Variants in SPATA22 observed in about 807,000 individuals in gnomAD.
SPATA22 encodes the protein spermatogenesis associated 22, also known as spermatogenesis-associated protein 22.
Under a neutral mutation model 47.8 loss-of-function variants are expected in SPATA22, and 29 were observed. That is an observed-to-expected ratio of 0.61 (90% confidence interval 0.45 to 0.83). The LOEUF (loss-of-function observed/expected upper bound fraction) is 0.83, where lower values mean the gene tolerates loss of function less well. Among genes scored for constraint, SPATA22 ranks in the 40% least tolerant of loss-of-function variants. SPATA22 has a pLI of 0.00. For missense variants in SPATA22, 410 were observed against 421.7 expected, an observed-to-expected ratio of 0.97 and a Z score of 0.24; for synonymous variants, 133 against 140.9, an observed-to-expected ratio of 0.94 and a Z score of 0.40.
chr17:3,446,352 A>C, intron 7 of SPATA22, 120 bp downstream of exon 7: 1 of 923,802 alleles, frequency 1.1e-6, no homozygotes, highest in Non-Finnish European at 1.6e-6. Flanking sequence ...AGTTCTTTGA[A>C]TACACTTTAG....
At chr17:3,502,436 G>C (rs749169939) in intron 1 of SPATA22, 3 of 152,178 alleles carry the variant, frequency 2.0e-5, no homozygotes, top group African/African-American at 7.2e-5. Flanking sequence ...GTAGAAATGA[G>C]TTGTGCAGAA....
intron 1 of SPATA22, among the ~76,000 whole-genome samples, chr17:3,495,546 GTTTGTTTTTGTTTTTGTT>G (rs149605858): frequency 6.6e-6 from 1 of 151,044 alleles, no homozygotes; most frequent in African/African-American, 2.4e-5. Context: ...CTTAGGCAGT[GTTTGTTTTTGTTTTTGTT>G]TTTGTTTTTG....
chr17:3,489,817 C>A (rs948315571), intron 1 of SPATA22, among the ~76,000 whole-genome samples: 1 of 152,188 alleles, frequency 6.6e-6, no homozygotes, highest in Non-Finnish European at 1.5e-5. Context: ...ACAGCATCCA[C>A]TTCTTAAAAC....
chr17:3,485,228 C>T lies in SPATA22; in HGVS notation c.-73-15830G>A, dbSNP rs2073698787. On this transcript the variant is annotated intron_variant, in intron 1 of 8. Transcript: ENST00000541913. This position sits in a 1 kb window ranked among gnomAD's most constrained non-coding sequence, Gnocchi z 4.4. ...AGACAGGATCTCAGTATGATCAGGT[C>T]TCAAACTCCTGATTCAAGCGATCCT... Among the ~76,000 whole-genome samples, 1 of 152,058 alleles carries T rather than the reference C, an allele frequency of 6.6e-6. No individual in the cohort carries two copies. The highest frequency in any genetic ancestry group is 2.1e-4 in the South Asian group (1 of 4,824).
At chr17:3,496,091 G>GT (rs1165698907) in intron 1 of SPATA22, among the ~76,000 whole-genome samples, 1 of 152,044 alleles carries the variant, frequency 6.6e-6, no homozygotes, top group African/African-American at 2.4e-5. Context: ...TGGGCTAGTG[G>GT]TAGGTCTCGA....
In SPATA22 at chr17:3,483,973, A is replaced by G. The variant is rs183661250; in HGVS notation, c.-73-14575T>C. Among the ~76,000 whole-genome samples, 16 of 152,318 alleles carry G rather than the reference A, an allele frequency of 1.1e-4. No homozygotes were observed. In the East Asian group the frequency reaches 2.7e-3, roughly 26 times the overall value. On this transcript the variant is annotated intron_variant, in intron 1 of 8. Coordinates refer to the SPATA22 transcript ENST00000541913. ...GCCTGGCCGAGAAAATTATTTTTAAAAAAACATTTACAGCTACCTTCCATA... is the reference window on the plus strand; with the variant it reads ...GCCTGGCCGAGAAAATTATTTTTAAGAAAACATTTACAGCTACCTTCCATA...
chr17:3,506,649 C>G (rs9910504), intron 1 of SPATA22, among the ~76,000 whole-genome samples: 1 of 152,210 alleles, frequency 6.6e-6, no homozygotes, highest in East Asian at 1.9e-4. Context: ...TTTTCTTGCT[C>G]TAAGTGAAAG....
intron 1 of SPATA22, chr17:3,489,480 G>A: frequency 1.5e-6 from 1 of 681,572 alleles, no homozygotes; most frequent in East Asian, 2.8e-5. Flanking sequence ...ATTCCCCAAT[G>A]GCCAGGATAG....
At chr17:3,474,141 C>T (rs1183459482), upstream of SPATA22, 1 of 152,128 alleles carries the variant, frequency 6.6e-6, no homozygotes, top group South Asian at 2.1e-4. Flanking sequence ...ATAAAGCTTT[C>T]CACAGAAGAC....
At chr17:3,479,398 T>G (rs2073588874) in intron 1 of SPATA22, among the ~76,000 whole-genome samples, 1 of 152,224 alleles carries the variant, frequency 6.6e-6, no homozygotes, top group Non-Finnish European at 1.5e-5. Context: ...TTAAAATGTA[T>G]AAATATCCAT....
rs551956294 is a variant in SPATA22, at chr17:3,490,543, A to G, written c.-73-21145T>C. Among the ~76,000 whole-genome samples the G allele has an allele frequency of 7.7e-4, 115 of 149,634 alleles. No homozygotes were observed. The highest frequency in any genetic ancestry group is 1.5e-3 in the Non-Finnish European group (102 of 66,940). Reference sequence around the variant, plus strand: ...AATTCCTCAACCTCAGATCGTGCGCACCCCACTGCAATCACAGACATTCGT... The same window carrying G: ...AATTCCTCAACCTCAGATCGTGCGCGCCCCACTGCAATCACAGACATTCGT... On this transcript the variant is annotated intron_variant, in intron 1 of 8. Coordinates refer to the SPATA22 transcript ENST00000541913. This position sits in a 1 kb window ranked among gnomAD's most constrained non-coding sequence, Gnocchi z 4.6.
chr17:3,477,206 C>T lies in SPATA22; in HGVS notation c.-73-7808G>A, dbSNP rs559025795. ...AAAGACATCAGACCTCCCTGTGATC[C>T]GAAGTAGCAGACGTACTTAACTTCC... On this transcript the variant is annotated intron_variant, in intron 1 of 8. Coordinates refer to the SPATA22 transcript ENST00000541913. 2.0e-3 allele frequency among the ~76,000 whole-genome samples: 305 copies of T among 152,024 alleles called. 1 individual carries two copies. Among genetic ancestry groups the T allele is most frequent in the African/African-American group, 6.4e-3 (264 of 41,474 alleles).
upstream of SPATA22, among the ~76,000 whole-genome samples, chr17:3,475,004 A>T (rs1315097893): frequency 2.0e-5 from 3 of 152,228 alleles, no homozygotes; most frequent in Non-Finnish European, 4.4e-5. Context: ...CCTATCGTAT[A>T]AAATTAATGT....
At chr17:3,506,872 T>C (rs1224124005) in intron 1 of SPATA22, among the ~76,000 whole-genome samples, 2 of 149,428 alleles carry the variant, frequency 1.3e-5, no homozygotes, top group East Asian at 2.0e-4. Flanking sequence ...AGCCGGGAGG[T>C]GGAGGTTGCA....
intron 5 of SPATA22, among the ~76,000 whole-genome samples, chr17:3,454,386 G>C (rs1230574866): frequency 6.6e-6 from 1 of 151,774 alleles, no homozygotes; most frequent in Non-Finnish European, 1.5e-5. Flanking sequence ...TGCCATGCTG[G>C]TGTGCTGCAC....
chr17:3,509,317 A>G (rs924053147), intron 1 of SPATA22, among the ~76,000 whole-genome samples: 10 of 149,548 alleles, frequency 6.7e-5, no homozygotes, highest in African/African-American at 2.5e-4. Flanking sequence ...CCCTCCCCTC[A>G]CCCCCTACCC....
At chr17:3,461,115 G>A (rs1179429638) in intron 5 of SPATA22, among the ~76,000 whole-genome samples, 1 of 152,146 alleles carries the variant, frequency 6.6e-6, no homozygotes, top group African/African-American at 2.4e-5. Flanking sequence ...AGGATGGCCA[G>A]TTAAATTTGC....
intron 6 of SPATA22, among the ~76,000 whole-genome samples, chr17:3,448,381 T>C (rs934074010): frequency 6.6e-6 from 1 of 152,174 alleles, no homozygotes; most frequent in Non-Finnish European, 1.5e-5. Context: ...CAGAGTTGAG[T>C]AGTATTGCTG....
intron 1 of SPATA22, chr17:3,499,177 C>T (rs2073961074): frequency 7.1e-7 from 1 of 1,399,380 alleles, no homozygotes; most frequent in African/African-American, 1.4e-5. Context: ...CCTTATTCAA[C>T]TGCATACATA....
Sources: gnomAD v4.1 joint callset for allele counts (sites outside exome capture counted in the v4.1 genomes callset) on GRCh38, gnomAD v4.1.1 for gene constraint, Gnocchi (gnomAD v3.1) non-coding constraint, MANE v1.5 for transcripts, NCBI Gene and HGNC (gene_info 2026-07-23, HGNC 2026-07-21) for gene names.